ZNF644: variants seen among roughly 807,000 people sequenced by gnomAD.
ZNF644 encodes the protein zinc finger motif enhancer binding protein 2.
ZNF644 carries 20 observed loss-of-function variants against 108.0 expected under a neutral mutation model. The observed-to-expected ratio is 0.19, with a 90% CI of 0.13 to 0.27. The LOEUF is 0.27. Among genes scored for constraint, ZNF644 ranks in the 10% least tolerant of loss-of-function variants. The pLI is 1.00. For synonymous variants in ZNF644, 542 were observed against 539.1 expected, an observed-to-expected ratio of 1.01 and a Z score of -0.08; for missense variants, 1,338 against 1,548.9, an observed-to-expected ratio of 0.86 and a Z score of 2.29.
chr1:90,958,814 T>G lies in ZNF644; in HGVS notation c.45-17505A>C, dbSNP rs188232908. 1.8e-4 allele frequency among the ~76,000 whole-genome samples: 28 copies of G among 152,272 alleles called. No homozygotes were observed. In the East Asian group the frequency reaches 5.4e-3, roughly 29 times the overall value. ...CCTGTCTCACACCAGGTACAGAAAC[T>G]AAATCAAAATGGACCAACAATCTGA... On this transcript the variant is annotated intron_variant, in intron 2 of 5. Transcript: ENST00000337393.
intron 2 of ZNF644, among the ~76,000 whole-genome samples, chr1:90,974,640 C>A (rs1655813590): frequency 6.6e-6 from 1 of 152,162 alleles, no homozygotes; most frequent in South Asian, 2.1e-4. Context: ...CTGTGTAAAT[C>A]TCTCTCAAAT....
intron 2 of ZNF644, among the ~76,000 whole-genome samples, chr1:90,943,986 T>C (rs1557580177): frequency 6.6e-6 from 1 of 152,224 alleles, no homozygotes; most frequent in Non-Finnish European, 1.5e-5. Context: ...TTCCCACTTA[T>C]TATAATCACA....
At chr1:90,972,522 T>G (rs1655601475) in intron 2 of ZNF644, among the ~76,000 whole-genome samples, 1 of 152,198 alleles carries the variant, frequency 6.6e-6, no homozygotes, top group Non-Finnish European at 1.5e-5. Flanking sequence ...TTGGTGGGAA[T>G]GTCAAATGGT....
chr1:90,956,443 G>C, intron 2 of ZNF644, among the ~76,000 whole-genome samples: 1 of 152,134 alleles, frequency 6.6e-6, no homozygotes, highest in East Asian at 1.9e-4. Flanking sequence ...CTCAGCTTCA[G>C]TCTGCATTCC....
In ZNF644 at chr1:90,938,453, G is replaced by GT; in HGVS notation, c.2900dup (p.Tyr967Ter). The GT allele has an allele frequency of 6.2e-7, 1 of 1,614,000 alleles. No individual in the cohort carries two copies. Among genetic ancestry groups the GT allele is most frequent in the Non-Finnish European group, 8.5e-7 (1 of 1,179,922 alleles). Residue 967 changes from tyrosine to a stop codon, truncating the protein, a stop_gained and frameshift_variant, in exon 3 of 6, where the codon TAC becomes TAAC. Transcript: ENST00000337393. LOFTEE classifies it high-confidence loss of function. This position sits in a 1 kb window ranked among gnomAD's most constrained non-coding sequence, Gnocchi z 4.2. The stretch of plus-strand genomic sequence containing the variant: ...CACCTGTTTCAAATGTTGCTGGGCA[G>GT]TAAGGACACGATTTCTTCTCAAGAG... ...DLSLEKKSCP[Y>*]CPATFETGVG...
intron 1 of ZNF644, among the ~76,000 whole-genome samples, chr1:91,004,105 G>A (rs1659168980): frequency 6.6e-6 from 1 of 152,066 alleles, no homozygotes; most frequent in Non-Finnish European, 1.5e-5. Flanking sequence ...CCTAATAGGA[G>A]TTCTACAAAA....
chr1:90,976,317 C>T (rs1414481968), intron 2 of ZNF644, among the ~76,000 whole-genome samples: 1 of 152,204 alleles, frequency 6.6e-6, no homozygotes, highest in Non-Finnish European at 1.5e-5. Context: ...TTGTGTTCAT[C>T]ACTTGTACTA....
chr1:90,975,790 G>A (rs1330395796), intron 2 of ZNF644, among the ~76,000 whole-genome samples: 1 of 152,026 alleles, frequency 6.6e-6, no homozygotes, highest in Non-Finnish European at 1.5e-5. Flanking sequence ...GTAAATCAGA[G>A]GTCAGAAGAC....
chr1:90,927,365 A>AT (rs1264407768), intron 4 of ZNF644, among the ~76,000 whole-genome samples: 6 of 152,314 alleles, frequency 3.9e-5, no homozygotes, highest in South Asian at 4.1e-4. Flanking sequence ...TCAGCCGATC[A>AT]TTTTTTTGTA....
chr1:90,994,907 C>A (rs1470772824), intron 1 of ZNF644, among the ~76,000 whole-genome samples: 1 of 152,124 alleles, frequency 6.6e-6, no homozygotes, highest in Admixed American at 6.5e-5. Context: ...GCCGTGGCTG[C>A]ATACATCAGG....
chr1:90,917,858 CTT>C (rs1429199753), intron 5 of ZNF644, among the ~76,000 whole-genome samples, 192 bp downstream of exon 5: 4 of 152,272 alleles, frequency 2.6e-5, no homozygotes, highest in African/African-American at 9.6e-5. Context: ...ATGTAAAAAA[CTT>C]GATTCATTAG....
intron 2 of ZNF644, among the ~76,000 whole-genome samples, chr1:90,945,395 T>A (rs879320848): frequency 6.6e-6 from 1 of 152,098 alleles, no homozygotes; most frequent in Non-Finnish European, 1.5e-5. Context: ...AAAATCATAA[T>A]GAGTTCTACA....
At chr1:90,921,352 T>A (rs1649413595) in intron 4 of ZNF644, among the ~76,000 whole-genome samples, 1 of 152,080 alleles carries the variant, frequency 6.6e-6, no homozygotes. Context: ...AGATAACTGT[T>A]ACACAAAGCC....
intron 1 of ZNF644, among the ~76,000 whole-genome samples, chr1:91,001,093 T>G (rs1280386550): frequency 2.0e-5 from 3 of 152,200 alleles, no homozygotes; most frequent in Non-Finnish European, 4.4e-5. Context: ...CACAGCCAAA[T>G]TCTACCAGAG....
rs756705337 is a variant in ZNF644 at position 90,939,593 on chromosome 1, T to C, written c.1761A>G (p.Ile587Met). The C allele has an allele frequency of 1.2e-6, 2 of 1,614,054 alleles. No individual in the cohort carries two copies. The highest frequency in any genetic ancestry group is 1.3e-5 in the African/African-American group (1 of 75,046). ...AAGTAGTAAAAGGACACATCTTACA[T>C]ATGTAGGTAGCTGATTTTTTGGATG... ...VGSSKKSATYICKMCPFTTSA... is the reference protein window; with the variant it reads ...VGSSKKSATYMCKMCPFTTSA... The change falls in exon 3 of 6, where the codon ATA becomes ATG. Residue 587 changes from isoleucine (I) to methionine (M), a missense_variant. Coordinates refer to ENST00000337393, the MANE Select transcript of ZNF644 (RefSeq NM_201269.3).
chr1:90,929,812 CCTA>C (rs1265971352), intron 4 of ZNF644, among the ~76,000 whole-genome samples: 7 of 152,100 alleles, frequency 4.6e-5, no homozygotes. Flanking sequence ...GCAAAAGAAA[CCTA>C]CTACGATTAC....
intron 2 of ZNF644, among the ~76,000 whole-genome samples, chr1:90,965,781 C>T (rs1265879678): frequency 1.3e-5 from 2 of 152,196 alleles, no homozygotes; most frequent in South Asian, 2.1e-4. Flanking sequence ...TGGAGTTTCG[C>T]TCTTGTTGCC....
chr1:90,924,542 A>T (rs358696), intron 4 of ZNF644, among the ~76,000 whole-genome samples: 108,006 of 151,992 alleles, frequency 0.71, 38,810 homozygotes, highest in Middle Eastern at 0.77. Context: ...GAAAACCACC[A>T]AACTTTAAAA....
At chr1:90,972,257 A>C (rs1016641388) in intron 2 of ZNF644, among the ~76,000 whole-genome samples, 5 of 152,246 alleles carry the variant, frequency 3.3e-5, no homozygotes, top group African/African-American at 1.2e-4. Context: ...CAAGGGATTA[A>C]TATCTAGAAC....
Sources: allele counts gnomAD v4.1 joint callset (sites outside exome capture counted in the v4.1 genomes callset), GRCh38; gene constraint gnomAD v4.1.1; non-coding constraint Gnocchi (gnomAD v3.1); transcripts MANE v1.5; gene names NCBI Gene and HGNC (gene_info 2026-07-23, HGNC 2026-07-21).